SERBP1: variants seen among roughly 807,000 people sequenced by gnomAD.
SERBP1 encodes the protein SERPINE1 mRNA binding protein 1, also known as SERPINE1 mRNA-binding protein 1.
Under a neutral mutation model 50.2 loss-of-function variants are expected in SERBP1, and 6 were observed. The ratio of observed to expected loss-of-function variants is 0.12; its 90% confidence interval spans 0.07 to 0.24. The LOEUF is 0.24. Ranked by LOEUF, SERBP1 falls within the 10% of genes least tolerant of loss-of-function variation. SERBP1 has a pLI of 1.00. For missense variants in SERBP1, 346 were observed against 524.9 expected (o/e 0.66, Z 3.33); for synonymous variants, 168 against 182.8 (o/e 0.92, Z 0.65).
chr1:67,414,774 G>C (rs1482569922), intron 7 of SERBP1, among the ~76,000 whole-genome samples: 15 of 152,174 alleles, frequency 9.9e-5, no homozygotes. Flanking sequence ...AAGCAGTTAG[G>C]AATTATCAAA....
At chr1:67,416,745 TACCAA>T (rs887152451) in intron 6 of SERBP1, among the ~76,000 whole-genome samples, 5 of 152,222 alleles carry the variant, frequency 3.3e-5, no homozygotes, top group African/African-American at 9.6e-5. Flanking sequence ...CACTCCTTTG[TACCAA>T]ACCAACACAC....
At chr1:67,421,481 A>G (rs934938947) in intron 5 of SERBP1, among the ~76,000 whole-genome samples, 1 of 152,242 alleles carries the variant, frequency 6.6e-6, no homozygotes, top group Non-Finnish European at 1.5e-5. Context: ...CTAGTCTGGA[A>G]TAAGATTACA....
At chr1:67,421,546 C>T (rs1205657314) in intron 5 of SERBP1, among the ~76,000 whole-genome samples, 2 of 152,184 alleles carry the variant, frequency 1.3e-5, no homozygotes, top group South Asian at 2.1e-4. Context: ...CCCTCAGTTT[C>T]GCTCCTGGGC....
chr1:67,420,234 C>A, intron 5 of SERBP1, 48 bp from the exon 6 acceptor site: 5 of 1,330,472 alleles, frequency 3.8e-6, no homozygotes, highest in Non-Finnish European at 5.2e-6. Context: ...GCTGATATTA[C>A]ATAAAAGTAT....
chr1:67,426,989 T>C (rs1022191900), intron 1 of SERBP1, among the ~76,000 whole-genome samples: 6 of 152,192 alleles, frequency 3.9e-5, no homozygotes, highest in Non-Finnish European at 5.9e-5. Flanking sequence ...TCTTCCCCTA[T>C]TAAAGTTTAA....
At chr1:67,415,004 G>C (rs1053518719) in intron 7 of SERBP1, among the ~76,000 whole-genome samples, 162 bp downstream of exon 7, 7 of 152,088 alleles carry the variant, frequency 4.6e-5, no homozygotes, top group African/African-American at 1.7e-4. Context: ...ACACAAAAAG[G>C]CATTTAAGTG....
chr1:67,418,979 T>G (rs1462970494), intron 6 of SERBP1, among the ~76,000 whole-genome samples: 1 of 152,104 alleles, frequency 6.6e-6, no homozygotes, highest in African/African-American at 2.4e-5. Flanking sequence ...TTGTATGAGT[T>G]TTTAAAGCCA....
At position 67,424,209 on chromosome 1, in the gene SERBP1, G is replaced by A; in HGVS notation, c.764C>T (p.Thr255Ile). 1.2e-6 allele frequency: 2 copies of A among 1,610,002 alleles called. No individual in the cohort carries two copies. Among genetic ancestry groups the A allele is most frequent in the Non-Finnish European group, 1.7e-6 (2 of 1,178,766 alleles). The change falls in exon 5 of 8, where the codon ACT becomes ATT. Residue 255 changes from threonine (T) to isoleucine (I), a missense_variant. Physicochemically the swap from Thr to Ile is moderately conservative, Grantham distance 89 (BLOSUM62 -1). Coordinates refer to ENST00000361219, the MANE Select transcript of SERBP1 (RefSeq NM_001018069.2). ...ACGCAATACCACTTACTTATTTTCAGTGTCTGCCACTGGATGATGTTCTTC... is the reference window on the plus strand; with the variant it reads ...ACGCAATACCACTTACTTATTTTCAATGTCTGCCACTGGATGATGTTCTTC... ...EGEEHHPVAD[T>I]ENKENEVEEV...
chr1:67,420,350 T>G, intron 5 of SERBP1, 164 bp from the exon 6 acceptor site: 1 of 576,008 alleles, frequency 1.7e-6, no homozygotes, highest in Non-Finnish European at 3.0e-6. Flanking sequence ...AGCAACTTGG[T>G]AGAGACCAGG....
At chr1:67,421,846 G>C (rs1161507431) in intron 5 of SERBP1, among the ~76,000 whole-genome samples, 1 of 152,076 alleles carries the variant, frequency 6.6e-6, no homozygotes, top group Non-Finnish European at 1.5e-5. Flanking sequence ...CCCAGTACTC[G>C]GGAGGCTGAG....
At chr1:67,414,744 T>G (rs1009433689) in intron 7 of SERBP1, among the ~76,000 whole-genome samples, 1 of 152,120 alleles carries the variant, frequency 6.6e-6, no homozygotes, top group Non-Finnish European at 1.5e-5. Flanking sequence ...AACACAATGG[T>G]TATTAAGTGG....
chr1:67,408,824 TAATA>T lies in SERBP1; in HGVS notation c.*4379_*4382del, dbSNP rs1176754829. On this transcript the variant is annotated 3_prime_UTR_variant, in exon 8 of 8. Coordinates refer to ENST00000361219, the MANE Select transcript of SERBP1 (RefSeq NM_001018069.2). ...TGTTGCAGGCTACCTATCTAAAAAA[TAATA>T]AAACATGTTTTACTAACAAGTTTTA... 6.6e-6 allele frequency: 1 copy of T among 152,166 alleles called. No individual in the cohort carries two copies. The highest frequency in any genetic ancestry group is 1.5e-5 in the Non-Finnish European group (1 of 68,012). The allele number at this position is 152,166 out of a possible 1,614,324, so 9.4% of individuals were successfully genotyped here.
chr1:67,430,220 G>A lies in SERBP1; in HGVS notation c.81C>T (p.Pro27=), dbSNP rs761613191. The change falls in exon 1 of 8, where the codon CCC becomes CCT. Residue 27 remains proline, a synonymous_variant. Coordinates refer to ENST00000361219, the MANE Select transcript of SERBP1 (RefSeq NM_001018069.2). The part of the protein sequence containing the change: ...FDQLFDDESD[P]FEVLKAAENK... The stretch of plus-strand genomic sequence containing the variant: ...TCTCTGCTGCCTTCAGCACCTCGAA[G>A]GGGTCCGATTCGTCGTCAAATAACT... 12 of 1,601,908 alleles carry A rather than the reference G, an allele frequency of 7.5e-6. No homozygotes were observed. Among genetic ancestry groups the A allele is most frequent in the Admixed American group, 3.5e-5 (2 of 56,938 alleles).
chr1:67,409,419 A>ACACACACACCCC lies in SERBP1; in HGVS notation c.*3787_*3788insGGGGTGTGTGTG. 8.0e-6 allele frequency: 1 copy of ACACACACACCCC among 125,080 alleles called. No homozygotes were observed. The highest frequency in any genetic ancestry group is 2.7e-4 in the South Asian group (1 of 3,764). The allele number at this position is 125,080 out of a possible 1,614,324, so 7.7% of individuals were successfully genotyped here. On this transcript the variant is annotated 3_prime_UTR_variant, in exon 8 of 8. Transcript: ENST00000361219. ...CACACACACACACACACACACACAC[A>ACACACACACCCC]CCCCCACACACACCAGGTCACAGGC...
At position 67,426,347 on chromosome 1, in the gene SERBP1, G is replaced by C. The variant is rs1667379264; in HGVS notation, c.314-62C>G. 9.5e-6 allele frequency: 14 copies of C among 1,480,700 alleles called. No homozygotes were observed. In the South Asian group the frequency reaches 2.0e-4, roughly 21 times the overall value. 91.7% of individuals were successfully genotyped at this position (1,480,700 alleles called of 1,614,324 possible). A position where few individuals can be genotyped will look rare whatever the true frequency, so the allele number is the denominator to read the frequency against. Reference sequence around the variant, plus strand: ...TTTGCAATCCAAAAACTTTAGGCCTGGACTGTCAAAAGCTGCTTCTCTTCC... The same window carrying C: ...TTTGCAATCCAAAAACTTTAGGCCTCGACTGTCAAAAGCTGCTTCTCTTCC... On this transcript the variant is annotated intron_variant, in intron 1 of 7. Transcript: ENST00000361219.
At chr1:67,423,799 G>A (rs955298849) in intron 5 of SERBP1, among the ~76,000 whole-genome samples, 6 of 152,174 alleles carry the variant, frequency 3.9e-5, no homozygotes, top group African/African-American at 1.4e-4. Context: ...ACAGTTGTAT[G>A]ACAATGGTAA....
chr1:67,415,195 G>A lies in SERBP1; in HGVS notation c.1096C>T (p.Arg366Cys), dbSNP rs781357375. The A allele has an allele frequency of 4.4e-6, 7 of 1,600,312 alleles. No homozygotes were observed. The highest frequency in any genetic ancestry group is 1.8e-5 in the Admixed American group (1 of 56,018). Residue 366 changes from arginine (R) to cysteine (C), a missense_variant, in exon 7 of 8, where the codon CGC becomes TGC. Arg to Cys is a radical substitution (Grantham distance 180). Coordinates refer to ENST00000361219, the MANE Select transcript of SERBP1 (RefSeq NM_001018069.2). ...TCGGTCCTGCTGCCACGGTTTGGGCGCCCACCACGCCCACGTCCACCTCGT... is the reference window on the plus strand; with the variant it reads ...TCGGTCCTGCTGCCACGGTTTGGGCACCCACCACGCCCACGTCCACCTCGT... ...GGRGGRGRGG[R>C]PNRGSRTDKS...
At chr1:67,423,204 C>A (rs1461395796) in intron 5 of SERBP1, among the ~76,000 whole-genome samples, 1 of 151,832 alleles carries the variant, frequency 6.6e-6, no homozygotes, top group African/African-American at 2.4e-5. Context: ...GAGGCTGAGG[C>A]AGGAGAATCG....
chr1:67,416,135 C>T (rs1440124829), intron 6 of SERBP1, among the ~76,000 whole-genome samples: 1 of 151,888 alleles, frequency 6.6e-6, no homozygotes, highest in Admixed American at 6.6e-5. Flanking sequence ...ACCTCAGCCT[C>T]CCAAGTAGCT....
Sources: allele counts gnomAD v4.1 joint callset (sites outside exome capture counted in the v4.1 genomes callset), GRCh38; gene constraint gnomAD v4.1.1; transcripts MANE v1.5; gene names NCBI Gene and HGNC (gene_info 2026-07-23, HGNC 2026-07-21).